Variants in CHRNB3 observed in about 807,000 individuals in gnomAD.
The protein encoded by CHRNB3 is neuronal acetylcholine receptor subunit beta-3.
CHRNB3 carries 37 observed loss-of-function variants against 40.6 expected under a neutral mutation model. That is an observed-to-expected ratio of 0.91 (90% confidence interval 0.70 to 1.20). CHRNB3 has a LOEUF of 1.20. Among genes scored for constraint, CHRNB3 ranks in the 50% most tolerant of loss-of-function variants. The probability of loss-of-function intolerance (pLI) is 0.00; values close to 1 mark genes in which losing one functional copy is unlikely to be tolerated. For synonymous variants in CHRNB3, 207 were observed against 207.1 expected, an observed-to-expected ratio of 1.00 and a Z score of 0.00; for missense variants, 505 against 551.2, an observed-to-expected ratio of 0.92 and a Z score of 0.84.
chr8:42,697,975 C>G (rs1283543141), intron 1 of CHRNB3, among the ~76,000 whole-genome samples: 1 of 152,080 alleles, frequency 6.6e-6, no homozygotes, highest in African/African-American at 2.4e-5. Context: ...TCATATTTAC[C>G]AATAATTTCT....
chr8:42,730,609 A>G lies in CHRNB3; in HGVS notation c.265A>G (p.Lys89Glu), dbSNP rs750504248. 3.5e-5 allele frequency: 56 copies of G among 1,603,208 alleles called. 1 individual carries two copies. The South Asian group carries it at 5.9e-4, about 17-fold the overall frequency. Reference sequence around the variant, plus strand: ...TTTCATGCAGGAATGGACAGACCACAAGTTACGCTGGAATCCTGATGATTA... The same window carrying G: ...TTTCATGCAGGAATGGACAGACCACGAGTTACGCTGGAATCCTGATGATTA... Reference protein sequence around the residue: ...VWLKQEWTDHKLRWNPDDYGG... With the variant: ...VWLKQEWTDHELRWNPDDYGG... Residue 89 changes from lysine (K) to glutamate (E), a missense_variant, in exon 4 of 6, where the codon AAG becomes GAG. Coordinates refer to ENST00000289957, the MANE Select transcript of CHRNB3 (RefSeq NM_000749.5).
At chr8:42,698,195 A>G (rs914508052) in intron 1 of CHRNB3, among the ~76,000 whole-genome samples, 1 of 152,216 alleles carries the variant, frequency 6.6e-6, no homozygotes, top group Non-Finnish European at 1.5e-5. Flanking sequence ...GAAAAAGTGA[A>G]AGATAGAGAC....
intron 3 of CHRNB3, among the ~76,000 whole-genome samples, chr8:42,717,550 C>G (rs1268587578): frequency 6.6e-6 from 1 of 151,450 alleles, no homozygotes; most frequent in Non-Finnish European, 1.5e-5. Context: ...CCTTCCTTTT[C>G]TACAACCTTA....
intron 3 of CHRNB3, among the ~76,000 whole-genome samples, chr8:42,722,429 C>T (rs186102207): frequency 6.6e-6 from 1 of 152,094 alleles, no homozygotes; most frequent in Non-Finnish European, 1.5e-5. Flanking sequence ...GTGGCCTTGC[C>T]GAAGCAGAGG....
chr8:42,719,004 A>T (rs940727507), intron 3 of CHRNB3, among the ~76,000 whole-genome samples: 1 of 152,110 alleles, frequency 6.6e-6, no homozygotes, highest in African/African-American at 2.4e-5. Context: ...CACAGCTCTC[A>T]AGTCGGGAAC....
rs138515445 is a variant in CHRNB3, at chr8:42,732,522, T to G, written c.1215T>G (p.His405Gln). 6.9e-5 allele frequency: 110 copies of G among 1,600,336 alleles called. 1 individual carries two copies. The highest frequency in any genetic ancestry group is 6.0e-4 in the Admixed American group (34 of 56,492). The change falls in exon 5 of 6, where the codon CAT (histidine) becomes CAG (glutamine). Residue 405 changes from histidine to glutamine, a missense_variant. His to Gln is a conservative substitution (Grantham distance 24). Coordinates refer to ENST00000289957, the MANE Select transcript of CHRNB3 (RefSeq NM_000749.5). ...ATTCCATTAGATACATTTCGAGACATGTGAAGAAAGAACATTTTATCAGCC... is the reference window on the plus strand; with the variant it reads ...ATTCCATTAGATACATTTCGAGACAGGTGAAGAAAGAACATTTTATCAGCC... ...AADSIRYISRHVKKEHFISQV... is the reference protein window; with the variant it reads ...AADSIRYISRQVKKEHFISQV...
intron 5 of CHRNB3, among the ~76,000 whole-genome samples, chr8:42,735,721 A>C (rs74456129): frequency 0.012 from 1,783 of 151,950 alleles, 28 homozygotes; most frequent in African/African-American, 0.039. Context: ...TCCCCTTCCT[A>C]ATAAAGGGGA....
intron 3 of CHRNB3, among the ~76,000 whole-genome samples, chr8:42,718,734 A>T (rs1417192017): frequency 6.6e-6 from 1 of 150,888 alleles, no homozygotes; most frequent in African/African-American, 2.4e-5. Flanking sequence ...TAGTTTTTTT[A>T]AAAAGCCTTA....
chr8:42,709,325 G>A (rs888814401), intron 2 of CHRNB3, among the ~76,000 whole-genome samples: 11 of 151,560 alleles, frequency 7.3e-5, no homozygotes, highest in Admixed American at 6.6e-5. Flanking sequence ...AGGCAGCCCC[G>A]TCACCTCTTC....
intron 3 of CHRNB3, among the ~76,000 whole-genome samples, chr8:42,730,293 G>A (rs1037384185): frequency 2.0e-5 from 3 of 152,230 alleles, no homozygotes; most frequent in African/African-American, 7.2e-5. Flanking sequence ...AGAGAAAATA[G>A]GATGAAAAGA....
At chr8:42,698,676 C>G (rs1448066040) in intron 1 of CHRNB3, among the ~76,000 whole-genome samples, 1 of 152,186 alleles carries the variant, frequency 6.6e-6, no homozygotes, top group Non-Finnish European at 1.5e-5. Context: ...TTGGACTTTT[C>G]AAAGTCTTGA....
intron 3 of CHRNB3, among the ~76,000 whole-genome samples, chr8:42,713,776 T>C (rs955045156): frequency 1.3e-5 from 2 of 152,222 alleles, no homozygotes; most frequent in African/African-American, 4.8e-5. Flanking sequence ...TTTAAACCTC[T>C]CTACCACCTG....
At chr8:42,727,373 G>GAAA (rs758556619) in intron 3 of CHRNB3, among the ~76,000 whole-genome samples, 2 of 85,112 alleles carry the variant, frequency 2.3e-5, no homozygotes. Flanking sequence ...ACTCTGTCTC[G>GAAA]AAAAAAAAAA....
At chr8:42,721,167 T>A (rs1816212598) in intron 3 of CHRNB3, among the ~76,000 whole-genome samples, 1 of 152,202 alleles carries the variant, frequency 6.6e-6, no homozygotes, top group African/African-American at 2.4e-5. Flanking sequence ...CTTCCCAGGA[T>A]CAGCTGAGAA....
intron 3 of CHRNB3, chr8:42,726,156 CT>C: frequency 7.4e-7 from 1 of 1,359,750 alleles, no homozygotes; most frequent in Non-Finnish European, 1.0e-6. Context: ...GCTTTGAGGG[CT>C]TGATAAGCTG....
rs368643759 is a variant in CHRNB3, at chr8:42,700,314, CTTGTTTT to C, written c.52+2728_52+2734del. 5.7e-4 allele frequency among the ~76,000 whole-genome samples: 85 copies of C among 150,108 alleles called. 1 individual carries two copies. Among genetic ancestry groups the C allele is most frequent in the African/African-American group, 1.9e-3 (79 of 40,838 alleles). On this transcript the variant is annotated intron_variant, in intron 1 of 5. Coordinates refer to ENST00000289957, the MANE Select transcript of CHRNB3 (RefSeq NM_000749.5). The stretch of plus-strand genomic sequence containing the variant: ...ACAGGTGTGAGCCACTGCGCCCGGC[CTTGTTTT>C]TTGTTTTTTGTGGTTTTTTTGAGAC...
chr8:42,725,835 A>G (rs1321607759), intron 3 of CHRNB3: 2 of 822,770 alleles, frequency 2.4e-6, no homozygotes, highest in African/African-American at 1.7e-5. Context: ...TTTCCACTAT[A>G]CGCAGCATTT....
chr8:42,700,161 C>G (rs1253913786), intron 1 of CHRNB3, among the ~76,000 whole-genome samples: 2 of 151,840 alleles, frequency 1.3e-5, no homozygotes, highest in African/African-American at 2.4e-5. Context: ...CTACAGGTGC[C>G]CACCACCACG....
In CHRNB3 at chr8:42,736,430, T is replaced by C; in HGVS notation, c.1243-54T>C. On this transcript the variant is annotated intron_variant, in intron 5 of 5. Transcript: ENST00000289957. ...CTCTTTTTTAATCCCTTGAGATGAA[T>C]ACAGAACAGTTGCTCAGTGTCTTGA... 4 of 1,601,480 alleles carry C rather than the reference T, an allele frequency of 2.5e-6. No homozygotes were observed. In the South Asian group the frequency reaches 4.5e-5, roughly 18 times the overall value.
Sources: allele counts gnomAD v4.1 joint callset (sites outside exome capture counted in the v4.1 genomes callset), GRCh38; gene constraint gnomAD v4.1.1; transcripts MANE v1.5; gene names NCBI Gene and HGNC (gene_info 2026-07-23, HGNC 2026-07-21).